Variants in HYDIN observed in about 807,000 individuals in gnomAD.
The protein encoded by HYDIN is axonemal central pair apparatus protein HYDIN.
Under a neutral mutation model 403.9 loss-of-function variants are expected in HYDIN, and 132 were observed. That is an observed-to-expected ratio of 0.33 (90% CI 0.28 to 0.38). The LOEUF is 0.38. Ranked by LOEUF, HYDIN falls within the 10% of genes least tolerant of loss-of-function variation. HYDIN has a pLI of 1.00. For synonymous variants in HYDIN, 1,202 were observed against 1,891.7 expected, an observed-to-expected ratio of 0.64 and a Z score of 9.46; for missense variants, 2,827 against 5,009.5, an observed-to-expected ratio of 0.56 and a Z score of 13.15.
chr16:71,197,746 C>CTTTG lies in HYDIN; in HGVS notation c.-23-10832_-23-10829dup, dbSNP rs555160696. ...AAATCACTTTCCTTGATTTGATTCT[C>CTTTG]TTTGTTTGTTTGTTTGTTTGTTTGA... On this transcript the variant is annotated intron_variant, in intron 1 of 85. Transcript: ENST00000393567. Among the ~76,000 whole-genome samples, 846 of 151,914 alleles carry CTTTG rather than the reference C, an allele frequency of 5.6e-3. 2 individuals carry two copies. The highest frequency in any genetic ancestry group is 0.014 in the Middle Eastern group (4 of 294).
chr16:70,931,220 T>TTG (rs1182360579), intron 45 of HYDIN, among the ~76,000 whole-genome samples: 1 of 121,560 alleles, frequency 8.2e-6, no homozygotes, highest in Non-Finnish European at 1.7e-5. Context: ...GTTTTTTTTT[T>TTG]TTTTTTTTTT....
intron 54 of HYDIN, 51 bp downstream of exon 54, chr16:70,895,930 A>G: frequency 6.4e-7 from 1 of 1,551,400 alleles, no homozygotes; most frequent in Non-Finnish European, 8.7e-7. Context: ...GAAATACACT[A>G]TACAAAAGAC....
At chr16:71,150,509 A>G (rs2085497279) in intron 7 of HYDIN, among the ~76,000 whole-genome samples, 1 of 152,112 alleles carries the variant, frequency 6.6e-6, no homozygotes, top group Non-Finnish European at 1.5e-5. Context: ...ATATGGGGAA[A>G]CAATGACACA....
chr16:70,998,623 C>A (rs1457167066), intron 23 of HYDIN, among the ~76,000 whole-genome samples: 1 of 135,466 alleles, frequency 7.4e-6, no homozygotes, highest in Non-Finnish European at 1.5e-5. Context: ...AAACCCCCTG[C>A]CTCTCATCCA....
chr16:71,036,805 C>T lies in HYDIN; in HGVS notation c.2530-4888G>A, dbSNP rs560085716. 7.0e-4 allele frequency among the ~76,000 whole-genome samples: 107 copies of T among 152,222 alleles called. No individual in the cohort carries two copies. The South Asian group carries it at 0.013, about 19-fold the overall frequency. On this transcript the variant is annotated intron_variant, in intron 18 of 85. Transcript: ENST00000393567. The stretch of plus-strand genomic sequence containing the variant: ...GCTCTTACCTTACACGAGTCAGCCT[C>T]GAAACTACTCTATCATCCTTGTGTC...
chr16:70,855,472 C>T (rs1201208323), intron 72 of HYDIN, among the ~76,000 whole-genome samples, 197 bp from the exon 73 acceptor site: 9 of 152,426 alleles, frequency 5.9e-5, no homozygotes, highest in African/African-American at 2.2e-4. Context: ...TCATCAGTTG[C>T]CTGCTTCTGC....
intron 85 of HYDIN, 30 bp from the exon 86 acceptor site, chr16:70,808,092 C>T (rs746160071): frequency 1.0e-5 from 16 of 1,571,662 alleles, no homozygotes; most frequent in African/African-American, 6.8e-5. Context: ...ACTCAGCTCA[C>T]GTGAGATCCT....
At chr16:70,887,910 C>A (rs1029746384) in intron 58 of HYDIN, among the ~76,000 whole-genome samples, 1 of 152,114 alleles carries the variant, frequency 6.6e-6, no homozygotes, top group African/African-American at 2.4e-5. Context: ...GTCTCGATCC[C>A]CTGACCTCGT....
At chr16:70,847,427 C>CT (rs1248968190) in intron 75 of HYDIN, among the ~76,000 whole-genome samples, 4 of 152,030 alleles carry the variant, frequency 2.6e-5, no homozygotes, top group African/African-American at 9.7e-5. Flanking sequence ...CTTTAGTGTC[C>CT]TTTCATTTCA....
intron 1 of HYDIN, among the ~76,000 whole-genome samples, chr16:71,211,420 C>G (rs2088582265): frequency 6.6e-6 from 1 of 151,048 alleles, no homozygotes; most frequent in African/African-American, 2.4e-5. Flanking sequence ...GCGGGCGGAT[C>G]ACGAGGTCAG....
In HYDIN at chr16:70,992,132, G is replaced by A. The variant is rs781263184; in HGVS notation, c.3723C>T (p.Ala1241=). The part of the protein sequence containing the change: ...MESIPATSEA[A]SPPAILVTVE... ...CTGTAACTAGGATTGCTGGTGGGCT[G>A]GCAGCCTCTGAGGTTGCTGGGATGG... The change falls in exon 24 of 86, where the codon GCC becomes GCT. Residue 1241 remains alanine (A), a synonymous_variant. Coordinates refer to ENST00000393567, the MANE Select transcript of HYDIN (RefSeq NM_001270974.2). 1.9e-6 allele frequency: 3 copies of A among 1,612,694 alleles called. No homozygotes were observed. In the East Asian group the frequency reaches 6.7e-5, roughly 36 times the overall value.
At position 70,807,419 on chromosome 16, in the gene HYDIN, T is replaced by C. The variant is rs1415739242; in HGVS notation, c.*161A>G. 8.4e-6 allele frequency: 6 copies of C among 712,984 alleles called. No homozygotes were observed. In the East Asian group the frequency reaches 1.4e-4, roughly 16 times the overall value. 44.2% of individuals were successfully genotyped at this position (712,984 alleles called of 1,614,324 possible). A position where few individuals can be genotyped will look rare whatever the true frequency, so the allele number is the denominator to read the frequency against. On this transcript the variant is annotated 3_prime_UTR_variant, in exon 86 of 86. Coordinates refer to ENST00000393567, the MANE Select transcript of HYDIN (RefSeq NM_001270974.2). ...TAATGTTTAATATGGAATAGATATT[T>C]CATATCTATATTTGGAAAACACATA...
chr16:70,835,549 A>C, intron 78 of HYDIN, 127 bp downstream of exon 78: 1 of 716,282 alleles, frequency 1.4e-6, no homozygotes, highest in Non-Finnish European at 2.4e-6. Context: ...GAGTACAGGG[A>C]AGGCTCTTAG....
rs1160948371 is a variant in HYDIN at position 70,883,991 on chromosome 16, AT to A, written c.9907del (p.Ile3303SerfsTer18). On this transcript the variant is annotated frameshift_variant, in exon 59 of 86. Transcript: ENST00000393567. LOFTEE classifies it high-confidence loss of function. ...GTGGACTGCAGGGTCTCGGCCGGAG[AT>A]ATCGATGGCTATAAACTCCTCACAC... ...GKCEEFIAID[I>X]SGRDPAVHPA... is the part of the protein sequence containing the mutation. 6.2e-7 allele frequency: 1 copy of A among 1,614,028 alleles called. No homozygotes were observed. Among genetic ancestry groups the A allele is most frequent in the African/African-American group, 1.3e-5 (1 of 74,872 alleles).
chr16:71,068,893 T>C (rs2082362945), intron 14 of HYDIN, among the ~76,000 whole-genome samples: 1 of 152,376 alleles, frequency 6.6e-6, no homozygotes, highest in Non-Finnish European at 1.5e-5. Context: ...TGTGGCTATT[T>C]ATTGCTATCT....
rs760896419 is a variant in HYDIN at position 71,088,533 on chromosome 16, A to G, written c.1447-9T>C. ...TTGTTGTACAGTATCGCCTATATCA[A>G]TAAAAGGCAAGAATGTGAAGGTCAA... On this transcript the variant is annotated splice_polypyrimidine_tract_variant and intron_variant, in intron 11 of 85. Transcript: ENST00000393567. The G allele has an allele frequency of 7.3e-4, 460 of 630,402 alleles. 3 individuals carry two copies. The African/African-American group carries it at 7.6e-3, about 10-fold the overall frequency. 39.1% of individuals were successfully genotyped at this position (630,402 alleles called of 1,614,324 possible).
intron 71 of HYDIN, among the ~76,000 whole-genome samples, 170 bp from the exon 72 acceptor site, chr16:70,858,040 A>C (rs1016376515): frequency 2.6e-5 from 4 of 152,158 alleles, no homozygotes; most frequent in African/African-American, 9.7e-5. Context: ...CAGAAATGTC[A>C]ATGTCTATCT....
chr16:71,081,360 T>A (rs1025955993), intron 12 of HYDIN, among the ~76,000 whole-genome samples: 1 of 150,752 alleles, frequency 6.6e-6, no homozygotes, highest in African/African-American at 2.4e-5. Flanking sequence ...ATTTATTATA[T>A]CTCATGCTAA....
rs1237725875 is a variant in HYDIN, at chr16:70,874,824, A to G, written c.10653T>C (p.His3551=). 6.2e-6 allele frequency: 10 copies of G among 1,613,454 alleles called. No individual in the cohort carries two copies. The Admixed American group carries it at 1.5e-4, about 24-fold the overall frequency. Reference sequence around the variant, plus strand: ...CACCCTCCCCACACTTACCTTTTACATGTGGTTTATTTTCCTCTGTGATGT... The same window carrying G: ...CACCCTCCCCACACTTACCTTTTACGTGTGGTTTATTTTCCTCTGTGATGT... ...YIYITEENKP[H]VKAKKAHTAS... is the part of the protein sequence containing the mutation. Residue 3551 remains histidine, a synonymous_variant, in exon 63 of 86, where the codon CAT becomes CAC. Coordinates refer to ENST00000393567, the MANE Select transcript of HYDIN (RefSeq NM_001270974.2).
Sources: gnomAD v4.1 joint callset for allele counts (sites outside exome capture counted in the v4.1 genomes callset) on GRCh38, gnomAD v4.1.1 for gene constraint, MANE v1.5 for transcripts, NCBI Gene and HGNC (gene_info 2026-07-23, HGNC 2026-07-21) for gene names.